The following SH2D1A variants were observed in gnomAD, a reference collection of about 807,000 sequenced individuals.
The protein encoded by SH2D1A is SH2 domain-containing protein 1A.
SH2D1A carries 6 observed loss-of-function variants against 10.1 expected under a neutral mutation model. The observed-to-expected ratio is 0.60, with a 90% confidence interval of 0.33 to 1.18. The LOEUF is 1.18. SH2D1A is among the 50% of genes most tolerant of loss of function. The pLI is 0.04. For synonymous variants in SH2D1A, 42 were observed against 36.9 expected, an observed-to-expected ratio of 1.14 and a Z score of -0.51; for missense variants, 51 against 97.6, an observed-to-expected ratio of 0.52 and a Z score of 2.01.
chrX:124,348,629 C>T (rs1288715388), intron 1 of SH2D1A, among the ~76,000 whole-genome samples: 1 of 111,660 alleles, frequency 9.0e-6, no homozygotes, highest in Non-Finnish European at 1.9e-5. Context: ...CCCTGATACA[C>T]TCACTCCATC....
intron 2 of SH2D1A, among the ~76,000 whole-genome samples, chrX:124,366,889 A>G (rs2060056741): frequency 9.2e-6 from 1 of 108,126 alleles, no homozygotes; most frequent in Non-Finnish European, 1.9e-5. Context: ...ACACACACAC[A>G]CACACACACA....
Position 124,361,582 on chromosome X carries a change from T to C in SH2D1A, c.138-4179T>C, listed in dbSNP as rs183287861. Among the ~76,000 whole-genome samples, 271 of 112,052 alleles carry C rather than the reference T, an allele frequency of 2.4e-3. 2 individuals carry two copies. Among genetic ancestry groups the C allele is most frequent in the African/African-American group, 8.3e-3 (256 of 30,876 alleles). ...TAGACGGCTGTGAACAGAATGTTGGTAGAACTATGGATGTTGCAGGTTATT... is the reference window on the plus strand; with the variant it reads ...TAGACGGCTGTGAACAGAATGTTGGCAGAACTATGGATGTTGCAGGTTATT... On this transcript the variant is annotated intron_variant, in intron 1 of 3. Transcript: ENST00000371139.
At chrX:124,367,670 G>C (rs914230235) in intron 2 of SH2D1A, 8 of 112,059 alleles carry the variant, frequency 7.1e-5, no homozygotes, top group Non-Finnish European at 1.5e-4. Flanking sequence ...AGGTAAGTGA[G>C]ATTTGTTTTA....
At chrX:124,360,902 G>T (rs2060038891) in intron 1 of SH2D1A, among the ~76,000 whole-genome samples, 1 of 111,112 alleles carries the variant, frequency 9.0e-6, no homozygotes, top group Non-Finnish European at 1.9e-5. Context: ...TGGGGATCTA[G>T]AATCAAATGG....
In SH2D1A at chrX:124,350,983, T is replaced by A. The variant is rs2060012738; in HGVS notation, c.137+4204T>A. The stretch of plus-strand genomic sequence containing the variant: ...TATATATTGTATATAAGATATAATA[T>A]ATTATATATATATTATAAATATGTA... On this transcript the variant is annotated intron_variant, in intron 1 of 3. Transcript: ENST00000371139. 7.2e-5 allele frequency among the ~76,000 whole-genome samples: 3 copies of A among 41,722 alleles called. 1 individual carries two copies. The African/African-American group carries it at 8.5e-4, about 12-fold the overall frequency. The allele number at this position is 41,722 out of a possible 115,157, so 36.2% of individuals were successfully genotyped here.
chrX:124,358,239 G>A (rs934449602), intron 1 of SH2D1A, among the ~76,000 whole-genome samples: 1 of 111,333 alleles, frequency 9.0e-6, no homozygotes, highest in Non-Finnish European at 1.9e-5. Context: ...GGGGTGCTTA[G>A]GTTAGTTCCA....
chrX:124,370,552 C>T (rs911132400), intron 3 of SH2D1A, among the ~76,000 whole-genome samples: 1 of 112,170 alleles, frequency 8.9e-6, no homozygotes, highest in African/African-American at 3.2e-5. Context: ...AAGCCCATAA[C>T]ATTTTAACTG....
In SH2D1A at chrX:124,356,038, C is replaced by G. The variant is rs775625402; in HGVS notation, c.137+9259C>G. ...AACTCATCATTTACATTAGGTATAT[C>G]TCCTAATGCTATCCCTCCCCCCACC... On this transcript the variant is annotated intron_variant, in intron 1 of 3. Coordinates refer to ENST00000371139, the MANE Select transcript of SH2D1A (RefSeq NM_002351.5). 1.4e-4 allele frequency among the ~76,000 whole-genome samples: 15 copies of G among 105,828 alleles called. No individual in the cohort carries two copies. The East Asian group carries it at 2.4e-3, about 17-fold the overall frequency. The allele number at this position is 105,828 out of a possible 115,157, so 91.9% of individuals were successfully genotyped here.
intron 1 of SH2D1A, among the ~76,000 whole-genome samples, chrX:124,351,027 TAA>T (rs1452508041): frequency 4.5e-5 from 4 of 89,788 alleles, no homozygotes; most frequent in East Asian, 6.6e-4. Flanking sequence ...TATATTATTA[TAA>T]ATATATATAT....
intron 1 of SH2D1A, among the ~76,000 whole-genome samples, chrX:124,356,384 G>GTTT (rs765960626): frequency 1.8e-5 from 2 of 111,866 alleles, no homozygotes; most frequent in South Asian, 7.5e-4. Context: ...CATACTTAAA[G>GTTT]TTTTCTGGAA....
intron 1 of SH2D1A, among the ~76,000 whole-genome samples, chrX:124,351,558 C>T (rs189288339): frequency 7.1e-4 from 79 of 110,788 alleles, no homozygotes; most frequent in African/African-American, 2.5e-3. Flanking sequence ...CATTTCACCA[C>T]ACCCTCACTA....
intron 1 of SH2D1A, among the ~76,000 whole-genome samples, chrX:124,365,103 CAT>C (rs1440725077): frequency 9.0e-6 from 1 of 110,540 alleles, no homozygotes; most frequent in African/African-American, 3.3e-5. Flanking sequence ...GGTGGTATAC[CAT>C]ATAGGTTTGT....
Position 124,373,114 on chromosome X carries a change from A to G in SH2D1A, c.*1723A>G. Reference sequence around the variant, plus strand: ...GAAAAAAAGCTTTTTTTGAATCATCAAGTCTTTCACATTTAAATAAAGTGT... The same window carrying G: ...GAAAAAAAGCTTTTTTTGAATCATCGAGTCTTTCACATTTAAATAAAGTGT... On this transcript the variant is annotated 3_prime_UTR_variant, in exon 4 of 4. Transcript: ENST00000371139. 6.8e-6 allele frequency: 1 copy of G among 147,656 alleles called. No individual in the cohort carries two copies. Among genetic ancestry groups the G allele is most frequent in the Non-Finnish European group, 1.3e-5 (1 of 74,782 alleles). 12.2% of individuals were successfully genotyped at this position (147,656 alleles called of 1,213,427 possible).
rs752987329 is a variant in SH2D1A at position 124,360,613 on chromosome X, A to C, written c.138-5148A>C. 4.2e-3 allele frequency among the ~76,000 whole-genome samples: 425 copies of C among 101,812 alleles called. 5 individuals carry two copies. The highest frequency in any genetic ancestry group is 0.015 in the African/African-American group (410 of 27,984). The allele number at this position is 101,812 out of a possible 115,157, so 88.4% of individuals were successfully genotyped here. A position where few individuals can be genotyped will look rare whatever the true frequency, so the allele number is the denominator to read the frequency against. ...GCAAGACACCATTAAAAAAAAAAAA[A>C]AAAAAAAAAAAGCATGTGTCCTAAC... On this transcript the variant is annotated intron_variant, in intron 1 of 3. Transcript: ENST00000371139.
chrX:124,356,124 A>G (rs1373753558), intron 1 of SH2D1A, among the ~76,000 whole-genome samples: 2 of 97,603 alleles, frequency 2.0e-5, no homozygotes, highest in African/African-American at 7.7e-5. Context: ...TAATTGTTCA[A>G]TTCCCACCTA....
At chrX:124,364,191 C>T (rs978252254) in intron 1 of SH2D1A, among the ~76,000 whole-genome samples, 1 of 110,678 alleles carries the variant, frequency 9.0e-6, no homozygotes, top group African/African-American at 3.3e-5. Context: ...CCTGAAGATC[C>T]TGCAGTGGGA....
At chrX:124,368,911 A>C (rs1334914526) in intron 2 of SH2D1A, among the ~76,000 whole-genome samples, 1 of 111,912 alleles carries the variant, frequency 8.9e-6, no homozygotes, top group East Asian at 2.8e-4. Flanking sequence ...ATTTTGGATG[A>C]GTTCTCAATC....
chrX:124,352,419 T>C (rs765412197), intron 1 of SH2D1A, among the ~76,000 whole-genome samples: 2 of 111,671 alleles, frequency 1.8e-5, no homozygotes, highest in South Asian at 7.4e-4. Flanking sequence ...TATTTGCTAT[T>C]CTTATCTGTT....
chrX:124,372,475 CAATAACGATAAAAGACAGTGAAAGAA>C lies in SH2D1A; in HGVS notation c.*1117_*1142del, dbSNP rs948973663. 105 of 170,640 alleles carry C rather than the reference CAATAACGATAAAAGACAGTGAAAGAA, an allele frequency of 6.2e-4. No individual in the cohort carries two copies. The highest frequency in any genetic ancestry group is 9.6e-4 in the Non-Finnish European group (86 of 89,562). 14.1% of individuals were successfully genotyped at this position (170,640 alleles called of 1,213,427 possible). A position where few individuals can be genotyped will look rare whatever the true frequency, so the allele number is the denominator to read the frequency against. ...TTCACTGTCTTGTTGGACGAGAAAA[CAATAACGATAAAAGACAGTGAAAGAA>C]AATAACGATAAAAGACAGTGAAAGA... is the stretch of plus-strand genomic sequence containing the variant. On this transcript the variant is annotated 3_prime_UTR_variant, in exon 4 of 4. Transcript: ENST00000371139.
Sources: gnomAD v4.1 joint callset for allele counts (sites outside exome capture counted in the v4.1 genomes callset) on GRCh38, gnomAD v4.1.1 for gene constraint, MANE v1.5 for transcripts, NCBI Gene and HGNC (gene_info 2026-07-23, HGNC 2026-07-21) for gene names.